ATG4D: variants seen among roughly 807,000 people sequenced by gnomAD.
ATG4D encodes the protein cysteine protease ATG4D.
Under a neutral mutation model 55.2 loss-of-function variants are expected in ATG4D, and 51 were observed. The ratio of observed to expected loss-of-function variants is 0.92; its 90% CI spans 0.74 to 1.17. The LOEUF (loss-of-function observed/expected upper bound fraction) is 1.17. Ranked by LOEUF, ATG4D falls within the 50% of genes most tolerant of loss-of-function variation. ATG4D has a pLI of 0.00. For synonymous variants in ATG4D, 268 were observed against 266.2 expected (o/e 1.01, Z -0.07); for missense variants, 635 against 649.6 (o/e 0.98, Z 0.25).
rs1347339874 is a variant in ATG4D, at chr19:10,549,053, T to C, written c.966+19T>C. ...CGTGAAGGTAGGTTCAGCTGAATTC[T>C]AGGACACCTCCACCTGGGAGCCCTC... On this transcript the variant is annotated intron_variant, in intron 6 of 9. Coordinates refer to ENST00000309469, the MANE Select transcript of ATG4D (RefSeq NM_032885.6). 1.2e-6 allele frequency: 2 copies of C among 1,613,602 alleles called. No individual in the cohort carries two copies. Among genetic ancestry groups the C allele is most frequent in the Non-Finnish European group, 1.7e-6 (2 of 1,179,808 alleles).
Position 10,543,986 on chromosome 19 carries a change from G to A in ATG4D, c.-105G>A, listed in dbSNP as rs1254226421. 1.4e-6 allele frequency: 1 copy of A among 721,172 alleles called. No individual in the cohort carries two copies. The highest frequency in any genetic ancestry group is 1.9e-6 in the Non-Finnish European group (1 of 526,338). 44.7% of individuals were successfully genotyped at this position (721,172 alleles called of 1,614,324 possible). ...GCCCGGTACCCTGGGGACGGGGGCC[G>A]AGTAGCGCCTTCCCCGGGCCCCGTG... On this transcript the variant is annotated 5_prime_UTR_variant, in exon 1 of 10. Coordinates refer to ENST00000309469, the MANE Select transcript of ATG4D (RefSeq NM_032885.6).
chr19:10,552,028 A>T lies in ATG4D; in HGVS notation c.1046-17A>T. The T allele has an allele frequency of 6.8e-7, 1 of 1,470,164 alleles. No homozygotes were observed. The highest frequency in any genetic ancestry group is 9.1e-7 in the Non-Finnish European group (1 of 1,097,530). The allele number at this position is 1,470,164 out of a possible 1,614,324, so 91.1% of individuals were successfully genotyped here. Reference sequence around the variant, plus strand: ...CACCCCCCACCGCACCCCCACTCACACCTGCACCCCCTGCAGATGACTTCC... The same window carrying T: ...CACCCCCCACCGCACCCCCACTCACTCCTGCACCCCCTGCAGATGACTTCC... On this transcript the variant is annotated splice_polypyrimidine_tract_variant and intron_variant, in intron 7 of 9. Transcript: ENST00000309469.
intron 6 of ATG4D, among the ~76,000 whole-genome samples, chr19:10,550,538 A>G (rs567938116): frequency 4.2e-4 from 64 of 152,094 alleles, no homozygotes; most frequent in Non-Finnish European, 8.4e-4. Flanking sequence ...CTATTTGTCC[A>G]CACCACCTTC....
In ATG4D at chr19:10,553,033, A is replaced by G. The variant is rs1294495207; in HGVS notation, c.1391A>G (p.Lys464Arg). Residue 464 changes from lysine to arginine, a missense_variant, in exon 10 of 10, where the codon AAA (lysine) becomes AGA (arginine). Lys to Arg is a conservative substitution (Grantham distance 26). Transcript: ENST00000309469. ...CGCACAGGGCGGCTCCTCAGGGCCA[A>G]ACGCCCCAGCTCTGAGGACTTTGTG... ...LPRTGRLLRAKRPSSEDFVFL is the reference protein window; with the variant it reads ...LPRTGRLLRARRPSSEDFVFL 1.2e-6 allele frequency: 2 copies of G among 1,611,602 alleles called. No homozygotes were observed. Among genetic ancestry groups the G allele is most frequent in the African/African-American group, 1.3e-5 (1 of 75,068 alleles).
rs1916337752 is a variant in ATG4D, at chr19:10,552,972, T to G, written c.1330T>G (p.Cys444Gly). 3 of 1,613,588 alleles carry G rather than the reference T, an allele frequency of 1.9e-6. No homozygotes were observed. Among genetic ancestry groups the G allele is most frequent in the African/African-American group, 2.7e-5 (2 of 74,954 alleles). ...HAQDHSLDDLCSQLAQPTLRL... is the reference protein window; with the variant it reads ...HAQDHSLDDLGSQLAQPTLRL... Reference sequence around the variant, plus strand: ...TCAGGACCACAGCCTGGACGACCTCTGCTCCCAGCTCGCCCAGCCCACACT... The same window carrying G: ...TCAGGACCACAGCCTGGACGACCTCGGCTCCCAGCTCGCCCAGCCCACACT... The change falls in exon 10 of 10, where the codon TGC becomes GGC. Residue 444 changes from cysteine to glycine, a missense_variant. Transcript: ENST00000309469.
rs137906710 is a variant in ATG4D, at chr19:10,548,893, C to G, written c.836-11C>G. The G allele has an allele frequency of 6.2e-7, 1 of 1,612,130 alleles. No homozygotes were observed. The highest frequency in any genetic ancestry group is 1.3e-5 in the African/African-American group (1 of 74,872). On this transcript the variant is annotated splice_polypyrimidine_tract_variant and intron_variant, in intron 5 of 9. Transcript: ENST00000309469. ...GCAAGAAGGTGACCTGCTGCTGTCC[C>G]GTCCCTCCAGTGTACAAGGCGGATG...
intron 1 of ATG4D, 70 bp from the exon 2 acceptor site, chr19:10,544,713 G>T: frequency 6.3e-7 from 1 of 1,598,038 alleles, no homozygotes; most frequent in South Asian, 1.1e-5. Context: ...TCACAGATGG[G>T]GGAATGGAAG....
intron 9 of ATG4D, 125 bp from the exon 10 acceptor site, chr19:10,552,760 G>T: frequency 9.9e-7 from 1 of 1,008,056 alleles, no homozygotes; most frequent in Non-Finnish European, 1.5e-6. Flanking sequence ...CCAGGGGATG[G>T]AAGGTGCTGA....
intron 2 of ATG4D, 38 bp from the exon 3 acceptor site, chr19:10,544,919 A>C (rs751829450): frequency 2.5e-6 from 4 of 1,585,424 alleles, no homozygotes; most frequent in East Asian, 4.5e-5. Context: ...CGCCCGCCGG[A>C]GTGTCCCTGG....
chr19:10,547,529 G>T (rs983084729), intron 5 of ATG4D, among the ~76,000 whole-genome samples: 2 of 149,488 alleles, frequency 1.3e-5, no homozygotes, highest in Admixed American at 6.7e-5. Flanking sequence ...TTGGGAGGCT[G>T]AGGTGGGAGG....
chr19:10,552,183 C>A lies in ATG4D; in HGVS notation c.1123-22C>A, dbSNP rs537782433. On this transcript the variant is annotated intron_variant, in intron 8 of 9. Transcript: ENST00000309469. Reference sequence around the variant, plus strand: ...CGGGTGGGCAGCCCAGCCTCTGAGCCTTCCTCGTCTGTCTGCCCCAGTCCT... The same window carrying A: ...CGGGTGGGCAGCCCAGCCTCTGAGCATTCCTCGTCTGTCTGCCCCAGTCCT... 23 of 1,611,062 alleles carry A rather than the reference C, an allele frequency of 1.4e-5. No individual in the cohort carries two copies. In the South Asian group the frequency reaches 1.8e-4, roughly 12 times the overall value.
chr19:10,550,198 G>C (rs1292464639), intron 6 of ATG4D, among the ~76,000 whole-genome samples: 1 of 152,088 alleles, frequency 6.6e-6, no homozygotes, highest in Non-Finnish European at 1.5e-5. Flanking sequence ...AGCAGAGATG[G>C]GGTTTTCCCA....
intron 6 of ATG4D, among the ~76,000 whole-genome samples, 198 bp from the exon 7 acceptor site, chr19:10,551,697 CAA>C (rs35373422): frequency 0.019 from 1,788 of 92,938 alleles, 28 homozygotes; most frequent in African/African-American, 0.078. Flanking sequence ...GACTCCGTCT[CAA>C]AAAAAAAAAA....
At chr19:10,545,854 G>C (rs1029497834) in intron 3 of ATG4D, among the ~76,000 whole-genome samples, 1 of 151,388 alleles carries the variant, frequency 6.6e-6, no homozygotes, top group Non-Finnish European at 1.5e-5. Context: ...GTGGCAGAGC[G>C]AGACTCAGTC....
rs370125671 is a variant in ATG4D, at chr19:10,544,947, G to A, written c.320-10G>A. 3 of 1,582,088 alleles carry A rather than the reference G, an allele frequency of 1.9e-6. No individual in the cohort carries two copies. The highest frequency in any genetic ancestry group is 1.7e-4 in the Middle Eastern group (1 of 5,892). Reference sequence around the variant, plus strand: ...GTCCCTGGTGGCAGCTGACAGACCCGCTCTTGTAGGTGACATACAGCGTTT... The same window carrying A: ...GTCCCTGGTGGCAGCTGACAGACCCACTCTTGTAGGTGACATACAGCGTTT... On this transcript the variant is annotated splice_polypyrimidine_tract_variant and intron_variant, in intron 2 of 9. Transcript: ENST00000309469.
Position 10,553,113 on chromosome 19 carries a change from T to G in ATG4D, c.*46T>G. On this transcript the variant is annotated 3_prime_UTR_variant, in exon 10 of 10. Coordinates refer to ENST00000309469, the MANE Select transcript of ATG4D (RefSeq NM_032885.6). ...GATACAACACTATTTATTTTTTTAT[T>G]TATGTCATGTCGGGTGTGGGATCTT... is the stretch of plus-strand genomic sequence containing the variant. 1 of 1,528,460 alleles carries G rather than the reference T, an allele frequency of 6.5e-7. No individual in the cohort carries two copies. The allele number at this position is 1,528,460 out of a possible 1,614,324, so 94.7% of individuals were successfully genotyped here. A position where few individuals can be genotyped will look rare whatever the true frequency, so the allele number is the denominator to read the frequency against.
chr19:10,552,685 A>G (rs570370446), intron 9 of ATG4D, among the ~76,000 whole-genome samples, 200 bp from the exon 10 acceptor site: 1 of 152,196 alleles, frequency 6.6e-6, no homozygotes, highest in Non-Finnish European at 1.5e-5. Context: ...TGCAGCAAAA[A>G]TCCCAGGACT....
rs1447800355 is a variant in ATG4D at position 10,553,040 on chromosome 19, C to G, written c.1398C>G (p.Pro466=). The G allele has an allele frequency of 1.2e-6, 2 of 1,610,056 alleles. No homozygotes were observed. The highest frequency in any genetic ancestry group is 1.7e-6 in the Non-Finnish European group (2 of 1,179,204). The change falls in exon 10 of 10, where the codon CCC becomes CCG. Residue 466 remains proline, a synonymous_variant. Coordinates refer to ENST00000309469, the MANE Select transcript of ATG4D (RefSeq NM_032885.6). ...RTGRLLRAKR[P]SSEDFVFL is the part of the protein sequence containing the mutation. Reference sequence around the variant, plus strand: ...GGCGGCTCCTCAGGGCCAAACGCCCCAGCTCTGAGGACTTTGTGTTTTTAT... The same window carrying G: ...GGCGGCTCCTCAGGGCCAAACGCCCGAGCTCTGAGGACTTTGTGTTTTTAT...
chr19:10,551,249 G>A (rs1916216074), intron 6 of ATG4D, among the ~76,000 whole-genome samples: 1 of 151,826 alleles, frequency 6.6e-6, no homozygotes, highest in African/African-American at 2.4e-5. Flanking sequence ...ATCACCTGAG[G>A]TCAGGAGTCC....
Sources: allele counts gnomAD v4.1 joint callset (sites outside exome capture counted in the v4.1 genomes callset), GRCh38; gene constraint gnomAD v4.1.1; transcripts MANE v1.5; gene names NCBI Gene and HGNC (gene_info 2026-07-23, HGNC 2026-07-21).